ACACA: variants seen among roughly 807,000 people sequenced by gnomAD.
The protein encoded by ACACA is acetyl-CoA carboxylase 1.
ACACA carries 103 observed loss-of-function variants against 296.1 expected under a neutral mutation model. The observed-to-expected ratio is 0.35, with a 90% CI of 0.30 to 0.41. The LOEUF (loss-of-function observed/expected upper bound fraction) is 0.41. ACACA is among the 10% of genes least tolerant of loss of function. The pLI is 1.00. For synonymous variants in ACACA, 953 were observed against 1,038.6 expected, an observed-to-expected ratio of 0.92 and a Z score of 1.58; for missense variants, 1,554 against 2,989.7, an observed-to-expected ratio of 0.52 and a Z score of 11.20.
At chr17:37,282,623 A>G (rs1567937455) in intron 5 of ACACA, among the ~76,000 whole-genome samples, 1 of 152,172 alleles carries the variant, frequency 6.6e-6, no homozygotes, top group Non-Finnish European at 1.5e-5. Flanking sequence ...TCCTAGGAGT[A>G]AAAGATAAAA....
chr17:37,200,923 T>C (rs2078217852), intron 33 of ACACA, among the ~76,000 whole-genome samples: 1 of 152,182 alleles, frequency 6.6e-6, no homozygotes, highest in Non-Finnish European at 1.5e-5. Flanking sequence ...GGTCCTAAAC[T>C]GTTTAGATTG....
intron 42 of ACACA, among the ~76,000 whole-genome samples, chr17:37,160,848 G>A (rs1216898550): frequency 6.6e-6 from 1 of 152,176 alleles, no homozygotes; most frequent in African/African-American, 2.4e-5. Context: ...GGATAAACAG[G>A]TGAGTTCAAC....
In ACACA at chr17:37,207,743, G is replaced by A. The variant is rs752676615; in HGVS notation, c.3765C>T (p.Ser1255=). The part of the protein sequence containing the change: ...HYGMTHVASV[S]DVLLDNSFTP... ...TGAATGAGTTGTCCAACAGTACATC[G>A]CTGACACTAGCTACATGGGTCATGC... The change falls in exon 31 of 56, where the codon AGC becomes AGT. Residue 1255 remains serine, a synonymous_variant. Transcript: ENST00000616317. 3 of 1,613,828 alleles carry A rather than the reference G, an allele frequency of 1.9e-6. No homozygotes were observed. The highest frequency in any genetic ancestry group is 1.7e-6 in the Non-Finnish European group (2 of 1,179,754).
At chr17:37,104,328 C>T (rs1345393380) in intron 52 of ACACA, among the ~76,000 whole-genome samples, 1 of 152,152 alleles carries the variant, frequency 6.6e-6, no homozygotes, top group African/African-American at 2.4e-5. Context: ...GACGAAATAT[C>T]ACTGGTCAAA....
At chr17:37,089,647 G>A (rs2072476553) in intron 54 of ACACA, among the ~76,000 whole-genome samples, 1 of 152,168 alleles carries the variant, frequency 6.6e-6, no homozygotes, top group South Asian at 2.1e-4. Context: ...CCAGGGTACA[G>A]CCACCAGGTC....
At chr17:37,230,876 G>T (rs1014408730) in intron 25 of ACACA, among the ~76,000 whole-genome samples, 5 of 152,136 alleles carry the variant, frequency 3.3e-5, no homozygotes, top group African/African-American at 1.2e-4. Context: ...GGGATTACAG[G>T]TCACTTGCAA....
chr17:37,228,209 T>C (rs1401985016), intron 25 of ACACA, among the ~76,000 whole-genome samples: 1 of 65,718 alleles, frequency 1.5e-5, no homozygotes, highest in Non-Finnish European at 2.6e-5. Flanking sequence ...TCAAACCCTT[T>C]TTTTTTTTTT....
intron 12 of ACACA, among the ~76,000 whole-genome samples, chr17:37,259,046 G>A (rs2081332419): frequency 6.6e-6 from 1 of 151,884 alleles, no homozygotes; most frequent in South Asian, 2.1e-4. Flanking sequence ...AAATGAGTAG[G>A]GAATAATTAT....
Position 37,258,204 on chromosome 17 carries a change from T to C in ACACA, c.1662+8A>G. 2 of 1,614,038 alleles carry C rather than the reference T, an allele frequency of 1.2e-6. No homozygotes were observed. Among genetic ancestry groups the C allele is most frequent in the Non-Finnish European group, 1.7e-6 (2 of 1,179,892 alleles). On this transcript the variant is annotated splice_region_variant and intron_variant, in intron 13 of 55. Transcript: ENST00000616317. Reference sequence around the variant, plus strand: ...AAGGAGGTATAAACCTTTTAAGTGATGGGTTACCTCATCTGGATTTTCACT... The same window carrying C: ...AAGGAGGTATAAACCTTTTAAGTGACGGGTTACCTCATCTGGATTTTCACT...
intron 3 of ACACA, among the ~76,000 whole-genome samples, chr17:37,309,830 T>A (rs550695387): frequency 6.6e-6 from 1 of 151,966 alleles, no homozygotes; most frequent in East Asian, 1.9e-4. Flanking sequence ...GGCGAGAGGA[T>A]CACTTGAGTC....
chr17:37,358,650 G>A (rs1327550729), intron 1 of ACACA, among the ~76,000 whole-genome samples: 1 of 152,216 alleles, frequency 6.6e-6, no homozygotes. Context: ...GGTCTGGAAG[G>A]AATCAGACCA....
chr17:37,403,919 T>C (rs1199383434), intron 1 of ACACA, among the ~76,000 whole-genome samples: 1 of 152,094 alleles, frequency 6.6e-6, no homozygotes, highest in Non-Finnish European at 1.5e-5. Flanking sequence ...ATTACAGGCA[T>C]GCGCCACCAC....
intron 3 of ACACA, chr17:37,299,896 G>T: frequency 1.4e-6 from 1 of 691,250 alleles, no homozygotes; most frequent in Non-Finnish European, 1.8e-6. Context: ...TAATTTCTGA[G>T]ATCCAATCAA....
At chr17:37,253,150 G>A in intron 14 of ACACA, 114 bp from the exon 15 acceptor site, 4 of 1,455,130 alleles carry the variant, frequency 2.7e-6, no homozygotes, top group Non-Finnish European at 3.8e-6. Context: ...CTAACACTTT[G>A]GGAGGCCAAG....
intron 24 of ACACA, among the ~76,000 whole-genome samples, chr17:37,235,550 T>A (rs2080070021): frequency 6.6e-6 from 1 of 152,030 alleles, no homozygotes; most frequent in Non-Finnish European, 1.5e-5. Context: ...ATCTTTAAGG[T>A]CTCCCCCAGA....
rs533780876 is a variant in ACACA, at chr17:37,359,283, G to T, written c.39-19433C>A. Among the ~76,000 whole-genome samples the T allele has an allele frequency of 3.7e-3, 557 of 152,278 alleles. 1 individual carries two copies. The highest frequency in any genetic ancestry group is 0.01 in the Middle Eastern group (3 of 292). On this transcript the variant is annotated intron_variant, in intron 1 of 55. Coordinates refer to ENST00000616317, the MANE Select transcript of ACACA (RefSeq NM_198834.3). ...GGCTGCGGCGCTGCCAGGGCCGCCGGGGGGCGAGGCGCGGGCCCGAGGGCT... is the reference window on the plus strand; with the variant it reads ...GGCTGCGGCGCTGCCAGGGCCGCCGTGGGGCGAGGCGCGGGCCCGAGGGCT...
At chr17:37,258,062 G>T in intron 13 of ACACA, 150 bp downstream of exon 13, 1 of 1,154,356 alleles carries the variant, frequency 8.7e-7, no homozygotes, top group Non-Finnish European at 1.2e-6. Flanking sequence ...AACCAATGAA[G>T]CAACAACCAT....
chr17:37,329,680 A>G lies in ACACA; in HGVS notation c.338+493T>C, dbSNP rs1167038353. On this transcript the variant is annotated intron_variant, in intron 3 of 55. Transcript: ENST00000616317. ...AAATAGGCTGGGCGGGGTAGCTCACACCTCTAATCCCAGCATTTTGGAAAG... is the reference window on the plus strand; with the variant it reads ...AAATAGGCTGGGCGGGGTAGCTCACGCCTCTAATCCCAGCATTTTGGAAAG... 2.7e-5 allele frequency among the ~76,000 whole-genome samples: 4 copies of G among 147,344 alleles called. No individual in the cohort carries two copies. The East Asian group carries it at 6.1e-4, about 22-fold the overall frequency.
intron 35 of ACACA, among the ~76,000 whole-genome samples, chr17:37,199,124 C>T (rs1400043991): frequency 6.6e-6 from 1 of 151,988 alleles, no homozygotes; most frequent in Non-Finnish European, 1.5e-5. Flanking sequence ...CCTGCAATCC[C>T]AGCTACTTGG....
Sources: allele counts gnomAD v4.1 joint callset (sites outside exome capture counted in the v4.1 genomes callset), GRCh38; gene constraint gnomAD v4.1.1; transcripts MANE v1.5; gene names NCBI Gene and HGNC (gene_info 2026-07-23, HGNC 2026-07-21).